The following NRP2 variants were observed in gnomAD, a reference collection of about 807,000 sequenced individuals.
The protein encoded by NRP2 is neuropilin-2.
Under a neutral mutation model 110.4 loss-of-function variants are expected in NRP2, and 52 were observed. The ratio of observed to expected loss-of-function variants is 0.47; its 90% confidence interval spans 0.38 to 0.59. The LOEUF (loss-of-function observed/expected upper bound fraction) is 0.59, where lower values mean the gene tolerates loss of function less well. Ranked by LOEUF, NRP2 falls within the 20% of genes least tolerant of loss-of-function variation. NRP2 has a pLI of 0.00. For missense variants in NRP2, 1,049 were observed against 1,203.0 expected (o/e 0.87, Z 1.89); for synonymous variants, 508 against 468.9 (o/e 1.08, Z -1.08).
chr2:205,742,203 G>A (rs1479381456), intron 8 of NRP2, among the ~76,000 whole-genome samples: 1 of 152,214 alleles, frequency 6.6e-6, no homozygotes, highest in Non-Finnish European at 1.5e-5. Flanking sequence ...TTGCAAGTAT[G>A]AAATGCACAT....
chr2:205,694,078 G>A (rs772947293), intron 1 of NRP2, among the ~76,000 whole-genome samples: 6 of 152,186 alleles, frequency 3.9e-5, no homozygotes, highest in Non-Finnish European at 7.4e-5. Context: ...AGGAAGGTGA[G>A]TTCCTAAGTG....
In NRP2 at chr2:205,682,654, CCAGCAGCAGCAA is replaced by C. The variant is rs1178320926; in HGVS notation, c.-625_-614del. The C allele has an allele frequency of 3.6e-5, 6 of 166,900 alleles. No homozygotes were observed. In the East Asian group the frequency reaches 5.3e-4, roughly 15 times the overall value. The allele number at this position is 166,900 out of a possible 1,614,324, so 10.3% of individuals were successfully genotyped here. A position where few individuals can be genotyped will look rare whatever the true frequency, so the allele number is the denominator to read the frequency against. On this transcript the variant is annotated 5_prime_UTR_variant, in exon 1 of 17. Transcript: ENST00000357785. The surrounding 1 kb of genome is among the most constrained non-coding windows in gnomAD (Gnocchi z 4.3). ...GATCCCAGCCGCCACCGCCGCCGCA[CCAGCAGCAGCAA>C]CAGCAGCAGCAGCTTCCTTCCTCAG...
At chr2:205,702,028 A>G (rs1439468124) in intron 2 of NRP2, among the ~76,000 whole-genome samples, 1 of 152,254 alleles carries the variant, frequency 6.6e-6, no homozygotes, top group Non-Finnish European at 1.5e-5. Flanking sequence ...CCCAGGCCTC[A>G]GTTTCCTCAT....
At chr2:205,717,065 G>A (rs961976912) in intron 3 of NRP2, among the ~76,000 whole-genome samples, 1 of 152,162 alleles carries the variant, frequency 6.6e-6, no homozygotes, top group Non-Finnish European at 1.5e-5. Context: ...CTGAGAATAT[G>A]GGCCAGTGCT....
At chr2:205,767,382 G>T (rs761313955) in intron 15 of NRP2, 9 of 514,028 alleles carry the variant, frequency 1.8e-5, no homozygotes, top group Non-Finnish European at 2.7e-5. Flanking sequence ...ACACAGAAGT[G>T]GTGGCCTCAG....
intron 3 of NRP2, among the ~76,000 whole-genome samples, chr2:205,718,215 C>G (rs2056940033): frequency 6.6e-6 from 1 of 152,184 alleles, no homozygotes; most frequent in Middle Eastern, 3.2e-3. Context: ...CACCACCCAA[C>G]TTAGTATTTC....
intron 7 of NRP2, among the ~76,000 whole-genome samples, chr2:205,737,933 T>C (rs548361175): frequency 1.2e-4 from 18 of 152,178 alleles, no homozygotes; most frequent in Middle Eastern, 6.8e-3. Flanking sequence ...TACATGCGAG[T>C]GCGTGCAGCC....
chr2:205,713,080 G>A (rs555494795), intron 2 of NRP2, among the ~76,000 whole-genome samples: 21 of 152,282 alleles, frequency 1.4e-4, no homozygotes, highest in African/African-American at 3.1e-4. Flanking sequence ...GTCTGTATCC[G>A]TTGAGTAAAT....
chr2:205,763,995 C>G lies in NRP2; in HGVS notation c.2307+59C>G. ...TATTTCAATATTTCAAGGGCCGAGCCCATTCATCGTTAGGGAACGTGGTTA... is the reference window on the plus strand; with the variant it reads ...TATTTCAATATTTCAAGGGCCGAGCGCATTCATCGTTAGGGAACGTGGTTA... On this transcript the variant is annotated intron_variant, in intron 13 of 16. Coordinates refer to ENST00000357785, the MANE Select transcript of NRP2 (RefSeq NM_003872.3). The surrounding 1 kb of genome is among the most constrained non-coding windows in gnomAD (Gnocchi z 4.0). 3.7e-6 allele frequency: 6 copies of G among 1,602,082 alleles called. No homozygotes were observed. The highest frequency in any genetic ancestry group is 1.1e-5 in the South Asian group (1 of 90,266).
chr2:205,696,859 T>A (rs1340666903), intron 1 of NRP2, among the ~76,000 whole-genome samples: 2 of 152,172 alleles, frequency 1.3e-5, no homozygotes, highest in Non-Finnish European at 2.9e-5. Flanking sequence ...TAATACAGAT[T>A]TTTCCATTCG....
chr2:205,763,516 G>T lies in NRP2; in HGVS notation c.2045-158G>T, dbSNP rs545906074. Among the ~76,000 whole-genome samples the T allele has an allele frequency of 6.6e-6, 1 of 152,246 alleles. No individual in the cohort carries two copies. The highest frequency in any genetic ancestry group is 2.4e-5 in the African/African-American group (1 of 41,524). On this transcript the variant is annotated intron_variant, in intron 12 of 16. Coordinates refer to ENST00000357785, the MANE Select transcript of NRP2 (RefSeq NM_003872.3). This position sits in a 1 kb window ranked among gnomAD's most constrained non-coding sequence, Gnocchi z 4.0. The stretch of plus-strand genomic sequence containing the variant: ...GCATTTGAATCAAGGCTCTGAAGGA[G>T]CCTTAAGAAAGGGTCACAGAGCCTG...
chr2:205,690,624 AC>A (rs2056293302), intron 1 of NRP2, among the ~76,000 whole-genome samples: 1 of 129,438 alleles, frequency 7.7e-6, no homozygotes, highest in African/African-American at 3.0e-5. Flanking sequence ...ACACACACAC[AC>A]ACACAATAGC....
Position 205,716,301 on chromosome 2 carries a change from C to T in NRP2, c.360C>T (p.Leu120=). 1.2e-6 allele frequency: 2 copies of T among 1,614,200 alleles called. No individual in the cohort carries two copies. The highest frequency in any genetic ancestry group is 1.7e-6 in the Non-Finnish European group (2 of 1,180,034). The part of the protein sequence containing the change: ...PPTIISSGSM[L]YIKFTSDYAR... ...CCATCATCTCCTCGGGCTCCATGCT[C>T]TACATCAAGTTCACCTCCGACTACG... Residue 120 remains leucine, a synonymous_variant, in exon 3 of 17, where the codon CTC becomes CTT. Transcript: ENST00000357785.
At chr2:205,755,946 C>T (rs2057728288) in intron 12 of NRP2, among the ~76,000 whole-genome samples, 2 of 152,112 alleles carry the variant, frequency 1.3e-5, no homozygotes, top group Non-Finnish European at 2.9e-5. Flanking sequence ...AACACGGGCC[C>T]TATGTGGAAA....
At chr2:205,711,930 T>C (rs759482484) in intron 2 of NRP2, among the ~76,000 whole-genome samples, 1 of 152,182 alleles carries the variant, frequency 6.6e-6, no homozygotes, top group Non-Finnish European at 1.5e-5. Flanking sequence ...GAGACAGTTA[T>C]GGAAACTAGA....
chr2:205,709,390 C>A (rs1482450069), intron 2 of NRP2, among the ~76,000 whole-genome samples: 1 of 152,194 alleles, frequency 6.6e-6, no homozygotes. Context: ...TAGCCAGGGG[C>A]TCTCAGGTGC....
chr2:205,706,874 G>C (rs989041294), intron 2 of NRP2, among the ~76,000 whole-genome samples: 1 of 152,142 alleles, frequency 6.6e-6, no homozygotes, highest in African/African-American at 2.4e-5. Flanking sequence ...CACACTGCCA[G>C]GGCCTCCACT....
intron 15 of NRP2, among the ~76,000 whole-genome samples, chr2:205,772,016 G>A (rs970580760): frequency 3.3e-5 from 5 of 152,238 alleles, no homozygotes; most frequent in Admixed American, 6.5e-5. Context: ...GGTTCTAGCC[G>A]TGACTCTGAC....
intron 15 of NRP2, among the ~76,000 whole-genome samples, chr2:205,783,439 A>G (rs1435491796): frequency 1.3e-5 from 2 of 152,256 alleles, no homozygotes; most frequent in African/African-American, 2.4e-5. Context: ...TGTAAAAAAC[A>G]TCCCTTAAGG....
Sources: gnomAD v4.1 joint callset for allele counts (sites outside exome capture counted in the v4.1 genomes callset) on GRCh38, gnomAD v4.1.1 for gene constraint, Gnocchi (gnomAD v3.1) non-coding constraint, MANE v1.5 for transcripts, NCBI Gene and HGNC (gene_info 2026-07-23, HGNC 2026-07-21) for gene names.